The following INTS7 variants were observed in gnomAD, a reference collection of about 807,000 sequenced individuals.
The protein encoded by INTS7 is integrator complex subunit 7.
In INTS7, 46 loss-of-function variants were observed where a neutral mutation model predicts 109.2. The observed-to-expected ratio is 0.42, with a 90% CI of 0.33 to 0.54. INTS7 has a LOEUF of 0.54. INTS7 is among the 20% of genes least tolerant of loss of function. INTS7 has a pLI of 0.07. For missense variants in INTS7, 929 were observed against 1,132.4 expected (o/e 0.82, Z 2.58); for synonymous variants, 412 against 402.9 (o/e 1.02, Z -0.27).
chr1:211,944,892 T>C lies in INTS7; in HGVS notation c.2493A>G (p.Val831=), dbSNP rs1662785895. 1 of 1,614,178 alleles carries C rather than the reference T, an allele frequency of 6.2e-7. No homozygotes were observed. The highest frequency in any genetic ancestry group is 8.5e-7 in the Non-Finnish European group (1 of 1,179,980). Residue 831 remains valine (V), a synonymous_variant, in exon 19 of 20, where the codon GTA becomes GTG. Coordinates refer to ENST00000366994, the MANE Select transcript of INTS7 (RefSeq NM_015434.4). ...VQNNQQLALK[V]EGVVQHGSKP... is the part of the protein sequence containing the mutation. ...TAGATCCGTGCTGAACCACTCCCTC[T>C]ACCTTTAGCGCCAGCTGCTGGTTAT...
intron 16 of INTS7, among the ~76,000 whole-genome samples, chr1:211,956,729 G>A (rs891887460): frequency 2.0e-5 from 3 of 152,132 alleles, no homozygotes; most frequent in South Asian, 4.1e-4. Context: ...CGGAGGGCAC[G>A]CATGGTTTCT....
chr1:212,004,253 G>A (rs1571896156), intron 7 of INTS7, among the ~76,000 whole-genome samples: 1 of 152,078 alleles, frequency 6.6e-6, no homozygotes, highest in Admixed American at 6.6e-5. Flanking sequence ...GAGGTGGGAG[G>A]ATGGCTTGAA....
chr1:211,960,699 G>C (rs557721360), intron 16 of INTS7, among the ~76,000 whole-genome samples: 1 of 152,174 alleles, frequency 6.6e-6, no homozygotes. Context: ...CCAAGCTGTG[G>C]AAAGAATCAC....
rs758281979 is a variant in INTS7, at chr1:211,981,155, G to A, written c.1168C>T (p.Leu390=). Residue 390 remains leucine, a synonymous_variant, in exon 10 of 20, where the codon CTG becomes TTG. Coordinates refer to ENST00000366994, the MANE Select transcript of INTS7 (RefSeq NM_015434.4). ...CTACAAAGTACCAGTAGGGATTCCA[G>A]GCCAAAGACAGCATCTTGTTCCAGT... is the stretch of plus-strand genomic sequence containing the variant. The part of the protein sequence containing the change: ...LALEQDAVFG[L]ESLLVLCSQD... The A allele has an allele frequency of 7.4e-6, 12 of 1,613,380 alleles. No homozygotes were observed. Among genetic ancestry groups the A allele is most frequent in the Non-Finnish European group, 1.0e-5 (12 of 1,179,480 alleles).
chr1:211,967,994 ATCAATTATGAC>A lies in INTS7; in HGVS notation c.2011-24_2011-14del. ...TGGACTGTTTCATCTATAAAAAAAA[ATCAATTATGAC>A]AAACAAACATGCTATCATTATTGTA... On this transcript the variant is annotated splice_polypyrimidine_tract_variant and intron_variant, in intron 14 of 19. Transcript: ENST00000366994. The A allele has an allele frequency of 7.1e-7, 1 of 1,411,714 alleles. No individual in the cohort carries two copies. The allele number at this position is 1,411,714 out of a possible 1,614,324, so 87.4% of individuals were successfully genotyped here. A position where few individuals can be genotyped will look rare whatever the true frequency, so the allele number is the denominator to read the frequency against.
intron 7 of INTS7, among the ~76,000 whole-genome samples, chr1:211,990,160 C>A (rs1420193405): frequency 6.6e-6 from 1 of 151,788 alleles, no homozygotes; most frequent in Non-Finnish European, 1.5e-5. Flanking sequence ...TTTATGCTCA[C>A]AAAGGTGATT....
rs112019938 is a variant in INTS7 at position 212,002,061 on chromosome 1, CT to C, written c.879+4577del. Among the ~76,000 whole-genome samples, 50 of 152,326 alleles carry C rather than the reference CT, an allele frequency of 3.3e-4. 1 individual carries two copies. The highest frequency in any genetic ancestry group is 1.2e-3 in the African/African-American group (50 of 41,568). On this transcript the variant is annotated intron_variant, in intron 7 of 19. Coordinates refer to ENST00000366994, the MANE Select transcript of INTS7 (RefSeq NM_015434.4). ...TACAGTTTATATACTCAGAAGTAAA[CT>C]CTTGATCTTCAAGAAATGAGTCTCC...
At chr1:211,961,059 C>CA (rs888541166) in intron 16 of INTS7, among the ~76,000 whole-genome samples, 15 of 150,864 alleles carry the variant, frequency 9.9e-5, no homozygotes, top group African/African-American at 2.7e-4. Flanking sequence ...AAGGAATGAA[C>CA]AAAACCTCCG....
intron 4 of INTS7, among the ~76,000 whole-genome samples, chr1:212,015,258 G>A (rs968161118): frequency 6.6e-5 from 10 of 152,126 alleles, no homozygotes; most frequent in South Asian, 6.2e-4. Flanking sequence ...GGGTTTTGTC[G>A]AATAGAAAAG....
chr1:211,998,371 C>T (rs1478188549), intron 7 of INTS7, among the ~76,000 whole-genome samples: 1 of 152,206 alleles, frequency 6.6e-6, no homozygotes. Flanking sequence ...ATTATTTGCA[C>T]AGACCAATAG....
At chr1:211,996,074 T>G (rs972135957) in intron 7 of INTS7, among the ~76,000 whole-genome samples, 1 of 152,110 alleles carries the variant, frequency 6.6e-6, no homozygotes, top group Non-Finnish European at 1.5e-5. Context: ...ATTTAAGATA[T>G]AGTATACCTA....
At chr1:212,031,002 A>T (rs1016161332) in intron 1 of INTS7, 1 of 152,214 alleles carries the variant, frequency 6.6e-6, no homozygotes, top group East Asian at 1.9e-4. Context: ...TCTATTTCAT[A>T]ACTAAATTTT....
At chr1:211,997,637 C>T (rs776240003) in intron 7 of INTS7, among the ~76,000 whole-genome samples, 3 of 151,116 alleles carry the variant, frequency 2.0e-5, no homozygotes, top group Non-Finnish European at 4.4e-5. Flanking sequence ...CCAGCACTTT[C>T]GGAGGCTGAG....
At chr1:211,943,107 A>G (rs1271608047) in intron 19 of INTS7, among the ~76,000 whole-genome samples, 1 of 152,062 alleles carries the variant, frequency 6.6e-6, no homozygotes, top group Non-Finnish European at 1.5e-5. Context: ...GCCTTTGTAC[A>G]GTTTTTATTT....
intron 1 of INTS7, among the ~76,000 whole-genome samples, chr1:212,031,700 T>C (rs1193973339): frequency 2.0e-5 from 3 of 152,202 alleles, no homozygotes; most frequent in East Asian, 1.9e-4. Context: ...TCAGTAAATA[T>C]CTGTTGAGTA....
At chr1:212,021,243 G>A in intron 1 of INTS7, 31 bp from the exon 2 acceptor site, 10 of 1,522,136 alleles carry the variant, frequency 6.6e-6, no homozygotes, top group East Asian at 2.3e-5. Context: ...AGAGAGGGAA[G>A]AACAGTTTGC....
intron 7 of INTS7, among the ~76,000 whole-genome samples, chr1:211,991,903 A>G (rs2102444437): frequency 6.6e-6 from 1 of 152,346 alleles, no homozygotes; most frequent in East Asian, 1.9e-4. Flanking sequence ...GGCCAAGAGA[A>G]GGGGCAGGTT....
intron 18 of INTS7, 27 bp from the exon 19 acceptor site, chr1:211,944,996 C>G (rs763834525): frequency 2.5e-6 from 4 of 1,607,248 alleles, no homozygotes; most frequent in South Asian, 2.2e-5. Context: ...CAAATAAATG[C>G]CAACAACCAA....
chr1:212,002,597 T>A (rs1469066597), intron 7 of INTS7, among the ~76,000 whole-genome samples: 1 of 152,230 alleles, frequency 6.6e-6, no homozygotes, highest in African/African-American at 2.4e-5. Flanking sequence ...TTTCTCCTCC[T>A]GATAATACCC....
Sources: gnomAD v4.1 joint callset for allele counts (sites outside exome capture counted in the v4.1 genomes callset) on GRCh38, gnomAD v4.1.1 for gene constraint, MANE v1.5 for transcripts, NCBI Gene and HGNC (gene_info 2026-07-23, HGNC 2026-07-21) for gene names.